PTBP2: variants seen among roughly 807,000 people sequenced by gnomAD.
The protein encoded by PTBP2 is polypyrimidine tract-binding protein 2.
PTBP2 carries 13 observed loss-of-function variants against 61.4 expected under a neutral mutation model. The observed-to-expected ratio is 0.21, with a 90% CI of 0.14 to 0.34. PTBP2 has a LOEUF of 0.34. Ranked by LOEUF, PTBP2 falls within the 10% of genes least tolerant of loss-of-function variation. The pLI is 1.00. For synonymous variants in PTBP2, 215 were observed against 218.5 expected, an observed-to-expected ratio of 0.98 and a Z score of 0.14; for missense variants, 405 against 642.6, an observed-to-expected ratio of 0.63 and a Z score of 4.00.
intron 8 of PTBP2, among the ~76,000 whole-genome samples, chr1:96,793,554 G>A (rs1435629274): frequency 1.3e-5 from 2 of 151,942 alleles, no homozygotes; most frequent in Non-Finnish European, 2.9e-5. Context: ...TGTAGTTTTA[G>A]TAGAGACAGG....
downstream of PTBP2, chr1:96,815,901 AAAC>A (rs1468036069): frequency 6.6e-6 from 1 of 152,204 alleles, no homozygotes; most frequent in Non-Finnish European, 1.5e-5. Context: ...AAAGTCTAAA[AAAC>A]CAATACCAGG....
At chr1:96,798,000 C>T (rs777302700) in intron 8 of PTBP2, among the ~76,000 whole-genome samples, 27 of 150,962 alleles carry the variant, frequency 1.8e-4, no homozygotes, top group Non-Finnish European at 3.2e-4. Flanking sequence ...GGCGTGAACC[C>T]GGGAGGTGGA....
At chr1:96,786,942 C>T (rs1659271916) in intron 8 of PTBP2, among the ~76,000 whole-genome samples, 1 of 152,124 alleles carries the variant, frequency 6.6e-6, no homozygotes, top group Admixed American at 6.5e-5. Context: ...TTAGAAGTCA[C>T]GTGGATTCTT....
intron 2 of PTBP2, among the ~76,000 whole-genome samples, chr1:96,739,515 CTACTT>C (rs773258301): frequency 6.6e-5 from 10 of 150,930 alleles, no homozygotes; most frequent in African/African-American, 9.7e-5. Flanking sequence ...ATGAATTTGA[CTACTT>C]TAAATACCTC....
intron 10 of PTBP2, among the ~76,000 whole-genome samples, 163 bp downstream of exon 10, chr1:96,806,615 A>G (rs1661514571): frequency 6.6e-6 from 1 of 152,176 alleles, no homozygotes; most frequent in Admixed American, 6.5e-5. Context: ...GTTTTAATGC[A>G]TGCTAATTTA....
chr1:96,728,688 T>C (rs1360140207), intron 2 of PTBP2, among the ~76,000 whole-genome samples: 1 of 152,192 alleles, frequency 6.6e-6, no homozygotes, highest in Non-Finnish European at 1.5e-5. Flanking sequence ...TATTTTCATA[T>C]GAGTCAGTTC....
intron 5 of PTBP2, among the ~76,000 whole-genome samples, chr1:96,773,123 CA>C (rs563241972): frequency 0.061 from 5,363 of 87,966 alleles, 125 homozygotes; most frequent in African/African-American, 0.14. Context: ...GACTCTATCT[CA>C]AAAAAAAAAA....
chr1:96,756,399 TCAAATATA>T (rs1289299499), intron 3 of PTBP2, among the ~76,000 whole-genome samples: 1 of 152,192 alleles, frequency 6.6e-6, no homozygotes, highest in African/African-American at 2.4e-5. Context: ...AGACTCCATC[TCAAATATA>T]CTTTCATTGT....
chr1:96,751,656 T>TG (rs1201169846), intron 3 of PTBP2, among the ~76,000 whole-genome samples, 156 bp downstream of exon 3: 5 of 101,958 alleles, frequency 4.9e-5, no homozygotes, highest in Non-Finnish European at 1.0e-4. Flanking sequence ...ATGAGCCGAG[T>TG]GGAAAAAAAA....
chr1:96,746,905 C>CCCTT (rs1181789141), intron 2 of PTBP2, among the ~76,000 whole-genome samples: 2 of 55,646 alleles, frequency 3.6e-5, no homozygotes, highest in Admixed American at 3.5e-4. Flanking sequence ...CTCCCTCCCT[C>CCCTT]CCTCCCTCCC....
chr1:96,777,794 ATATAG>A (rs774235853), intron 6 of PTBP2, 37 bp from the exon 7 acceptor site: 1 of 1,529,700 alleles, frequency 6.5e-7, no homozygotes, highest in Non-Finnish European at 8.9e-7. Flanking sequence ...AGAAATAATA[ATATAG>A]TAAATAAGTA....
rs373815292 is a variant in PTBP2, at chr1:96,799,294, C to CTTTTTTTTTTTTTTTTTTTTTTTTTT, written c.905-5487_905-5486insTTTTTTTTTTTTTTTTTTTTTTTTTT. On this transcript the variant is annotated intron_variant, in intron 8 of 13. Coordinates refer to ENST00000674951, the MANE Select transcript of PTBP2 (RefSeq NM_021190.4). ...ATAGCAATCCTCAGAATAGATCAAGCTTTTTTTTTTTTTTTTTTTGAGATG... is the reference window on the plus strand; with the variant it reads ...ATAGCAATCCTCAGAATAGATCAAGCTTTTTTTTTTTTTTTTTTTTTTTTTTTTTTTTTTTTTTTTTTTTTGAGATG... Among the ~76,000 whole-genome samples the CTTTTTTTTTTTTTTTTTTTTTTTTTT allele has an allele frequency of 7.6e-4, 70 of 92,164 alleles. 11 individuals are homozygous for CTTTTTTTTTTTTTTTTTTTTTTTTTT. The highest frequency in any genetic ancestry group is 1.7e-3 in the African/African-American group (36 of 20,654). The allele number at this position is 92,164 out of a possible 152,430, so 60.5% of individuals were successfully genotyped here.
At position 96,812,702 on chromosome 1, in the gene PTBP2, C is replaced by T; in HGVS notation, c.1172-10C>T. On this transcript the variant is annotated splice_polypyrimidine_tract_variant and intron_variant, in intron 11 of 13. Transcript: ENST00000674951. ...TATTGTTTGTTAATAGACATGCTTT[C>T]TTTTTATAGCCATGAATCATCTTAA... 6.5e-7 allele frequency: 1 copy of T among 1,543,322 alleles called. No individual in the cohort carries two copies. Among genetic ancestry groups the T allele is most frequent in the Non-Finnish European group, 8.9e-7 (1 of 1,120,238 alleles).
At chr1:96,739,618 GTTTTTTTTTT>G (rs772410191) in intron 2 of PTBP2, among the ~76,000 whole-genome samples, 116 of 83,798 alleles carry the variant, frequency 1.4e-3, no homozygotes, top group African/African-American at 4.7e-3. Flanking sequence ...ACTGGTGTGT[GTTTTTTTTTT>G]TTTTTTTTTT....
At position 96,747,260 on chromosome 1, in the gene PTBP2, T is replaced by C. The variant is rs139831250; in HGVS notation, c.40-4165T>C. ...CTCTTCTGGACATCTTCCATGTTGATTGCTGGAAGTCTTGAAGGCAATCCC... is the reference window on the plus strand; with the variant it reads ...CTCTTCTGGACATCTTCCATGTTGACTGCTGGAAGTCTTGAAGGCAATCCC... On this transcript the variant is annotated intron_variant, in intron 2 of 13. Coordinates refer to ENST00000674951, the MANE Select transcript of PTBP2 (RefSeq NM_021190.4). Among the ~76,000 whole-genome samples, 841 of 152,294 alleles carry C rather than the reference T, an allele frequency of 5.5e-3. 5 individuals carry two copies. The highest frequency in any genetic ancestry group is 0.019 in the African/African-American group (803 of 41,560).
intron 13 of PTBP2, 29 bp from the exon 14 acceptor site, chr1:96,813,247 T>C: frequency 6.3e-7 from 1 of 1,577,082 alleles, no homozygotes; most frequent in Non-Finnish European, 8.6e-7. Flanking sequence ...TTGTATGAAG[T>C]GTCTAATTTT....
At chr1:96,776,151 G>A (rs549812903) in intron 5 of PTBP2, among the ~76,000 whole-genome samples, 7 of 151,982 alleles carry the variant, frequency 4.6e-5, no homozygotes, top group Admixed American at 1.3e-4. Flanking sequence ...TGAAGCAGAT[G>A]TTAGTGTTTT....
intron 3 of PTBP2, among the ~76,000 whole-genome samples, chr1:96,757,547 G>A (rs1655297317): frequency 6.6e-6 from 1 of 152,064 alleles, no homozygotes; most frequent in Non-Finnish European, 1.5e-5. Context: ...TACAGTCCTA[G>A]CCCCCAAATA....
At chr1:96,751,708 T>TAA (rs1268157090) in intron 3 of PTBP2, among the ~76,000 whole-genome samples, 5 of 151,988 alleles carry the variant, frequency 3.3e-5, no homozygotes, top group Non-Finnish European at 5.9e-5. Flanking sequence ...AAGTTACTCT[T>TAA]AAATTTGATT....
Sources: gnomAD v4.1 joint callset for allele counts (sites outside exome capture counted in the v4.1 genomes callset) on GRCh38, gnomAD v4.1.1 for gene constraint, MANE v1.5 for transcripts, NCBI Gene and HGNC (gene_info 2026-07-23, HGNC 2026-07-21) for gene names.